Variants in ROBO1 observed in about 807,000 individuals in gnomAD.
ROBO1 encodes roundabout homolog 1.
ROBO1 carries 149 observed loss-of-function variants against 195.9 expected under a neutral mutation model. The ratio of observed to expected loss-of-function variants is 0.76; its 90% confidence interval spans 0.67 to 0.87. The LOEUF (loss-of-function observed/expected upper bound fraction) is 0.87, where lower values mean the gene tolerates loss of function less well. ROBO1 is among the 40% of genes least tolerant of loss of function. The probability of loss-of-function intolerance (pLI) is 0.00; values close to 1 mark genes in which losing one functional copy is unlikely to be tolerated. For synonymous variants in ROBO1, 816 were observed against 733.2 expected, an observed-to-expected ratio of 1.11 and a Z score of -1.82; for missense variants, 1,933 against 2,068.3, an observed-to-expected ratio of 0.93 and a Z score of 1.27.
intron 1 of ROBO1, among the ~76,000 whole-genome samples, chr3:79,634,010 T>G (rs1945424667): frequency 6.6e-6 from 1 of 152,152 alleles, no homozygotes; most frequent in Admixed American, 6.5e-5. Flanking sequence ...CATGTCTAGT[T>G]ATTGGGAGGA....
rs145186389 is a variant in ROBO1 at position 79,496,387 on chromosome 3, C to CATTTTTTTTTTTTTTTTTTTTTT, written c.88+93436_88+93437insAAAAAAAAAAAAAAAAAAAAAAT. On this transcript the variant is annotated intron_variant, in intron 2 of 30. Transcript: ENST00000464233. ...TTTTGGTATAATGCTGCGCACCCAT[C>CATTTTTTTTTTTTTTTTTTTTTT]TTTTTTTGAGACGGAGTCTCGCTCT... is the stretch of plus-strand genomic sequence containing the variant. Among the ~76,000 whole-genome samples the CATTTTTTTTTTTTTTTTTTTTTT allele has an allele frequency of 2.7e-3, 303 of 112,572 alleles. 65 individuals carry two copies. Among genetic ancestry groups the CATTTTTTTTTTTTTTTTTTTTTT allele is most frequent in the Middle Eastern group, 4.3e-3 (1 of 232 alleles). 73.9% of individuals were successfully genotyped at this position (112,572 alleles called of 152,430 possible). A position where few individuals can be genotyped will look rare whatever the true frequency, so the allele number is the denominator to read the frequency against.
intron 2 of ROBO1, among the ~76,000 whole-genome samples, chr3:79,364,827 A>C (rs1216035610): frequency 2.0e-5 from 3 of 152,214 alleles, no homozygotes; most frequent in African/African-American, 7.2e-5. Flanking sequence ...ATAAGCATGC[A>C]TACCTGCTAA....
chr3:78,860,473 C>T (rs2034765207), intron 4 of ROBO1, among the ~76,000 whole-genome samples: 1 of 151,368 alleles, frequency 6.6e-6, no homozygotes, highest in Admixed American at 6.6e-5. Flanking sequence ...ATTTTTCCCT[C>T]AAAGAATTTT....
chr3:79,710,202 CA>C (rs1295840874), intron 1 of ROBO1, among the ~76,000 whole-genome samples: 1 of 152,068 alleles, frequency 6.6e-6, no homozygotes, highest in Non-Finnish European at 1.5e-5. Flanking sequence ...ATAGGAAGCT[CA>C]AAGACATAAT....
chr3:79,686,951 A>T (rs903462137), intron 1 of ROBO1, among the ~76,000 whole-genome samples: 18 of 152,044 alleles, frequency 1.2e-4, no homozygotes, highest in African/African-American at 4.3e-4. Context: ...GGCATCATGC[A>T]ACCTGACTTC....
chr3:79,752,998 A>G (rs866553756), intron 1 of ROBO1, among the ~76,000 whole-genome samples: 1 of 152,158 alleles, frequency 6.6e-6, no homozygotes, highest in Non-Finnish European at 1.5e-5. Flanking sequence ...CTTTAGGTAG[A>G]GAGTGACTGA....
At chr3:79,630,419 A>C (rs1945303905) in intron 1 of ROBO1, among the ~76,000 whole-genome samples, 1 of 152,102 alleles carries the variant, frequency 6.6e-6, no homozygotes, top group African/African-American at 2.4e-5. Flanking sequence ...GATGCAGAAA[A>C]GGCATGCAGT....
At chr3:78,687,942 T>G (rs1275146846) in intron 9 of ROBO1, among the ~76,000 whole-genome samples, 1 of 152,286 alleles carries the variant, frequency 6.6e-6, no homozygotes, top group African/African-American at 2.4e-5. Context: ...CGTTTTTGTT[T>G]TATTGAAGAA....
chr3:78,821,889 T>C (rs1328548495), intron 4 of ROBO1, among the ~76,000 whole-genome samples: 1 of 152,006 alleles, frequency 6.6e-6, no homozygotes, highest in Non-Finnish European at 1.5e-5. Flanking sequence ...CCATCACCTG[T>C]AGAGAAGTGG....
At chr3:78,807,536 T>C (rs2084584108) in intron 4 of ROBO1, among the ~76,000 whole-genome samples, 1 of 152,198 alleles carries the variant, frequency 6.6e-6, no homozygotes, top group Non-Finnish European at 1.5e-5. Context: ...AAAACTTACC[T>C]TGGTTTCAGA....
intron 2 of ROBO1, among the ~76,000 whole-genome samples, chr3:79,239,903 A>G (rs1196495211): frequency 6.6e-6 from 1 of 152,134 alleles, no homozygotes; most frequent in East Asian, 1.9e-4. Flanking sequence ...AAAATTCACA[A>G]ATAAACTTGT....
At chr3:79,587,897 T>A (rs968496479) in intron 2 of ROBO1, among the ~76,000 whole-genome samples, 1 of 151,780 alleles carries the variant, frequency 6.6e-6, no homozygotes, top group African/African-American at 2.4e-5. Flanking sequence ...ACTCTGCAGG[T>A]GTTCTTTTTG....
chr3:79,115,564 A>G (rs750642905), intron 3 of ROBO1, among the ~76,000 whole-genome samples: 2 of 152,078 alleles, frequency 1.3e-5, no homozygotes, highest in Non-Finnish European at 1.5e-5. Flanking sequence ...GCTTAATCAC[A>G]TGGTATTACT....
chr3:79,718,280 T>C (rs573490901), intron 1 of ROBO1, among the ~76,000 whole-genome samples: 99 of 152,130 alleles, frequency 6.5e-4, no homozygotes, highest in African/African-American at 2.3e-3. Context: ...ATAATTACTG[T>C]TAAGTACTTA....
intron 3 of ROBO1, among the ~76,000 whole-genome samples, chr3:79,119,321 G>A (rs890951686): frequency 6.6e-6 from 1 of 152,122 alleles, no homozygotes; most frequent in African/African-American, 2.4e-5. Flanking sequence ...CAGGAGGATA[G>A]AATTACGCAT....
At chr3:78,776,688 C>T (rs333475) in intron 4 of ROBO1, among the ~76,000 whole-genome samples, 152,323 of 152,358 alleles carry the variant, frequency 1, 76,144 homozygotes, top group Middle Eastern at 1. Context: ...AATTAATGTA[C>T]GTTAGAATGT....
At chr3:79,047,788 C>A (rs1576609846) in intron 3 of ROBO1, among the ~76,000 whole-genome samples, 1 of 152,016 alleles carries the variant, frequency 6.6e-6, no homozygotes, top group South Asian at 2.1e-4. Context: ...AGACATTAAG[C>A]CCTACAAATG....
At chr3:78,930,326 A>G (rs571735295) in intron 4 of ROBO1, among the ~76,000 whole-genome samples, 1 of 152,262 alleles carries the variant, frequency 6.6e-6, no homozygotes, top group East Asian at 1.9e-4. Context: ...TGAAAAGACA[A>G]ATGCTGCATT....
At position 79,017,464 on chromosome 3, in the gene ROBO1, TG is replaced by T. The variant is rs1470125316; in HGVS notation, c.173-78538del. Among the ~76,000 whole-genome samples, 3 of 148,912 alleles carry T rather than the reference TG, an allele frequency of 2.0e-5. No individual in the cohort carries two copies. In the South Asian group the frequency reaches 6.6e-4, roughly 33 times the overall value. On this transcript the variant is annotated intron_variant, in intron 3 of 30. Coordinates refer to ENST00000464233, the MANE Select transcript of ROBO1 (RefSeq NM_002941.4). ...TTCCGAGGTGCAGTGTGTGTGTGTG[TG>T]TGTGTGTGTGTGTGTGTGTGTGTGT... is the stretch of plus-strand genomic sequence containing the variant.
Sources: gnomAD v4.1 joint callset for allele counts (sites outside exome capture counted in the v4.1 genomes callset) on GRCh38, gnomAD v4.1.1 for gene constraint, MANE v1.5 for transcripts, NCBI Gene and HGNC (gene_info 2026-07-23, HGNC 2026-07-21) for gene names.